The following AKAP6 variants were observed in gnomAD, a reference collection of about 807,000 sequenced individuals.
The protein encoded by AKAP6 is A-kinase anchor protein 6.
AKAP6 carries 58 observed loss-of-function variants against 188.5 expected under a neutral mutation model. The ratio of observed to expected loss-of-function variants is 0.31; its 90% confidence interval spans 0.25 to 0.38. The LOEUF is 0.38. Among genes scored for constraint, AKAP6 ranks in the 10% least tolerant of loss-of-function variants. The pLI is 1.00. For synonymous variants in AKAP6, 989 were observed against 998.6 expected, an observed-to-expected ratio of 0.99 and a Z score of 0.18; for missense variants, 2,710 against 2,740.0, an observed-to-expected ratio of 0.99 and a Z score of 0.24.
At chr14:32,756,570 G>T in intron 11 of AKAP6, among the ~76,000 whole-genome samples, 1 of 152,036 alleles carries the variant, frequency 6.6e-6, no homozygotes, top group Non-Finnish European at 1.5e-5. Context: ...TTCTAGCCTG[G>T]TACCTGGGGC....
At chr14:32,473,684 G>GA (rs1310047420) in intron 2 of AKAP6, 2 of 152,072 alleles carry the variant, frequency 1.3e-5, no homozygotes, top group African/African-American at 2.4e-5. Context: ...GGTGCGGGGG[G>GA]ACTGACATTC....
intron 2 of AKAP6, among the ~76,000 whole-genome samples, chr14:32,445,539 AT>A (rs567935267): frequency 1.1e-4 from 17 of 150,970 alleles, no homozygotes; most frequent in Middle Eastern, 3.4e-3. Flanking sequence ...TGCCCAGCTA[AT>A]TTTTTTTTGT....
In AKAP6 at chr14:32,805,846, CA is replaced by C. The variant is rs60965038; in HGVS notation, c.3589-15555del. On this transcript the variant is annotated intron_variant, in intron 12 of 13. Coordinates refer to ENST00000280979, the MANE Select transcript of AKAP6 (RefSeq NM_004274.5). ...ACAAAAGATGCTATGTTTAGACATC[CA>C]GGGGGTTAACATTGAAATACCAATA... Among the ~76,000 whole-genome samples, 1,446 of 152,122 alleles carry C rather than the reference CA, an allele frequency of 9.5e-3. 23 individuals carry two copies. Among genetic ancestry groups the C allele is most frequent in the African/African-American group, 0.033 (1,381 of 41,498 alleles).
intron 7 of AKAP6, among the ~76,000 whole-genome samples, chr14:32,675,144 C>G (rs1889373964): frequency 6.6e-6 from 1 of 152,126 alleles, no homozygotes; most frequent in Admixed American, 6.5e-5. Context: ...TTCTGAGCAT[C>G]CCACCAGTAC....
intron 1 of AKAP6, among the ~76,000 whole-genome samples, chr14:32,335,839 C>T (rs8009980): frequency 0.28 from 30,032 of 106,866 alleles, 4,056 homozygotes; most frequent in East Asian, 0.44. Context: ...CTATCCTTTT[C>T]TCCTTTTTTT....
intron 2 of AKAP6, among the ~76,000 whole-genome samples, chr14:32,510,440 A>ATG (rs1368187932): frequency 4.4e-5 from 1 of 22,540 alleles, no homozygotes; most frequent in Non-Finnish European, 1.1e-4. Flanking sequence ...ATATATGTGT[A>ATG]TATATATATA....
intron 2 of AKAP6, among the ~76,000 whole-genome samples, chr14:32,490,499 A>G (rs900965634): frequency 6.6e-6 from 1 of 152,162 alleles, no homozygotes; most frequent in African/African-American, 2.4e-5. Context: ...TTTATAGCCA[A>G]ATTCATCTTA....
At chr14:32,402,033 T>C (rs1889110319) in intron 1 of AKAP6, 1 of 152,192 alleles carries the variant, frequency 6.6e-6, no homozygotes, top group Non-Finnish European at 1.5e-5. Context: ...TCAAGGACTG[T>C]TGACAGTTGA....
intron 1 of AKAP6, among the ~76,000 whole-genome samples, chr14:32,398,288 G>A (rs1203470824): frequency 6.6e-6 from 1 of 152,162 alleles, no homozygotes; most frequent in Non-Finnish European, 1.5e-5. Flanking sequence ...GTGTGTGTGG[G>A]GCCTTCTCCT....
intron 12 of AKAP6, among the ~76,000 whole-genome samples, chr14:32,811,981 G>C (rs1162906741): frequency 6.6e-6 from 1 of 152,050 alleles, no homozygotes. Context: ...ATGCATTGTA[G>C]GTTTTAAAAA....
At chr14:32,380,719 A>G (rs1888326487) in intron 1 of AKAP6, among the ~76,000 whole-genome samples, 1 of 152,192 alleles carries the variant, frequency 6.6e-6, no homozygotes, top group African/African-American at 2.4e-5. Context: ...AAGCCTCTGT[A>G]CCACCTCCAG....
At chr14:32,522,716 A>G (rs1450978035) in intron 2 of AKAP6, among the ~76,000 whole-genome samples, 1 of 152,216 alleles carries the variant, frequency 6.6e-6, no homozygotes, top group African/African-American at 2.4e-5. Flanking sequence ...ATGTGGAGAA[A>G]TAGGAACATT....
At chr14:32,504,003 A>G (rs1880736235) in intron 2 of AKAP6, among the ~76,000 whole-genome samples, 1 of 151,838 alleles carries the variant, frequency 6.6e-6, no homozygotes. Context: ...ATACACATAC[A>G]TTGATAAAAT....
Position 32,824,550 on chromosome 14 carries a change from C to G in AKAP6, c.6737C>G (p.Pro2246Arg), listed in dbSNP as rs761186468. The G allele has an allele frequency of 6.2e-7, 1 of 1,613,920 alleles. No homozygotes were observed. Among genetic ancestry groups the G allele is most frequent in the South Asian group, 1.1e-5 (1 of 91,078 alleles). Residue 2246 changes from proline (P) to arginine (R), a missense_variant, in exon 13 of 14, where the codon CCT becomes CGT. By Grantham distance (103) the Pro-to-Arg change is moderately radical (BLOSUM62 -2). Around this residue, in one of 2 missense-constraint regions of AKAP6, gnomAD observed 2,473 missense variants for 2,426.1 expected, o/e 1.02. Coordinates refer to ENST00000280979, the MANE Select transcript of AKAP6 (RefSeq NM_004274.5). ...SGCAENLEFT[P>R]SKLDSEKESS... ...TGTGCAGAAAACTTAGAGTTTACTC[C>G]TTCAAAGCTTGACAGTGAAAAGGAA...
chr14:32,805,665 C>G (rs1324313112), intron 12 of AKAP6, among the ~76,000 whole-genome samples: 2 of 152,140 alleles, frequency 1.3e-5, no homozygotes, highest in African/African-American at 2.4e-5. Flanking sequence ...AGTGGAAATG[C>G]CACTGGGGTC....
In AKAP6 at chr14:32,824,436, C is replaced by A. The variant is rs542543698; in HGVS notation, c.6623C>A (p.Ala2208Glu). 1.9e-6 allele frequency: 3 copies of A among 1,613,796 alleles called. No individual in the cohort carries two copies. Among genetic ancestry groups the A allele is most frequent in the Admixed American group, 1.7e-5 (1 of 59,894 alleles). ...FSDSSLSADD[A>E]DTVALSSPSS... ...GATAGTTCTCTTTCAGCTGATGATG[C>A]AGATACAGTGGCTCTTTCAAGTCCT... Residue 2208 changes from alanine (A) to glutamate (E), a missense_variant, in exon 13 of 14, where the codon GCA becomes GAA. This residue lies in a region of AKAP6 where 2,473 missense variants were observed against 2,426.1 expected (regional missense o/e 1.02). Transcript: ENST00000280979.
chr14:32,445,956 G>A (rs569216793), intron 2 of AKAP6, among the ~76,000 whole-genome samples: 1 of 152,176 alleles, frequency 6.6e-6, no homozygotes, highest in South Asian at 2.1e-4. Flanking sequence ...CTGAGGGTGT[G>A]AATCAGATTC....
chr14:32,511,348 A>G (rs1881249285), intron 2 of AKAP6, among the ~76,000 whole-genome samples: 1 of 150,628 alleles, frequency 6.6e-6, no homozygotes, highest in South Asian at 2.1e-4. Flanking sequence ...CTGTTTACAG[A>G]AATCATCTAC....
At chr14:32,727,927 G>A (rs755244963) in intron 9 of AKAP6, among the ~76,000 whole-genome samples, 1 of 152,148 alleles carries the variant, frequency 6.6e-6, no homozygotes, top group Non-Finnish European at 1.5e-5. Flanking sequence ...TCCATGTGCA[G>A]CATCATATGC....
Sources: allele counts gnomAD v4.1 joint callset (sites outside exome capture counted in the v4.1 genomes callset), GRCh38; gene constraint gnomAD v4.1.1; regional missense constraint gnomAD v4.1.1; transcripts MANE v1.5; gene names NCBI Gene and HGNC (gene_info 2026-07-23, HGNC 2026-07-21).